Variants in AUTS2 observed in about 807,000 individuals in gnomAD.
The protein encoded by AUTS2 is activator of transcription and developmental regulator AUTS2, also known as autism susceptibility gene 2 protein.
A neutral mutation model predicts 112.4 loss-of-function variants in AUTS2; 17 were observed. The observed-to-expected ratio is 0.15, with a 90% CI of 0.10 to 0.23. AUTS2 has a LOEUF of 0.23. Ranked by LOEUF, AUTS2 falls within the 10% of genes least tolerant of loss-of-function variation. AUTS2 has a pLI of 1.00. For synonymous variants in AUTS2, 751 were observed against 702.7 expected, an observed-to-expected ratio of 1.07 and a Z score of -1.09; for missense variants, 1,510 against 1,701.6, an observed-to-expected ratio of 0.89 and a Z score of 1.98.
chr7:69,709,221 G>GAAGAAATATAAC (rs1798199262), intron 1 of AUTS2, among the ~76,000 whole-genome samples: 1 of 152,220 alleles, frequency 6.6e-6, no homozygotes. Context: ...CTCTTTGGTG[G>GAAGAAATATAAC]CATTAATCTT....
chr7:70,017,176 G>A (rs1800067084), intron 2 of AUTS2, among the ~76,000 whole-genome samples: 1 of 152,186 alleles, frequency 6.6e-6, no homozygotes, highest in Admixed American at 6.5e-5. Context: ...CAAATCAGAG[G>A]AATGAAATAA....
At chr7:69,707,445 G>A (rs1331018854) in intron 1 of AUTS2, among the ~76,000 whole-genome samples, 1 of 152,164 alleles carries the variant, frequency 6.6e-6, no homozygotes. Context: ...TGAAGGGTAT[G>A]CAGGTGTAAG....
At chr7:70,512,457 C>G (rs1440757236) in intron 5 of AUTS2, among the ~76,000 whole-genome samples, 1 of 152,128 alleles carries the variant, frequency 6.6e-6, no homozygotes, top group Non-Finnish European at 1.5e-5. Context: ...AAGGAGGTAA[C>G]GCTTCAAGTG....
intron 2 of AUTS2, among the ~76,000 whole-genome samples, chr7:70,003,080 T>G (rs1276273830): frequency 2.7e-5 from 4 of 148,170 alleles, no homozygotes; most frequent in Non-Finnish European, 5.9e-5. Context: ...ATATTGCATA[T>G]TATACATTTA....
chr7:70,369,385 T>C (rs188614688), intron 4 of AUTS2, among the ~76,000 whole-genome samples: 147 of 152,320 alleles, frequency 9.7e-4, no homozygotes, highest in Non-Finnish European at 1.6e-3. Flanking sequence ...TGAGGGTTGT[T>C]TCATATATGT....
intron 2 of AUTS2, among the ~76,000 whole-genome samples, chr7:70,102,899 G>A (rs1804575194): frequency 6.6e-6 from 1 of 152,044 alleles, no homozygotes; most frequent in Non-Finnish European, 1.5e-5. Context: ...ATTTGAGAGA[G>A]TATTGTAGAA....
At chr7:70,607,173 G>T (rs762140931) in intron 5 of AUTS2, among the ~76,000 whole-genome samples, 2 of 152,174 alleles carry the variant, frequency 1.3e-5, no homozygotes, top group Non-Finnish European at 2.9e-5. Context: ...GGGGGGCGAA[G>T]GTGGGAGTGA....
At chr7:70,729,112 CG>C in intron 6 of AUTS2, 1 of 455,250 alleles carries the variant, frequency 2.2e-6, no homozygotes, top group South Asian at 1.6e-5. Context: ...CAAAATGGGG[CG>C]AAAACGACGG....
intron 5 of AUTS2, among the ~76,000 whole-genome samples, chr7:70,684,467 G>T (rs1451306053): frequency 6.6e-6 from 1 of 152,144 alleles, no homozygotes; most frequent in Non-Finnish European, 1.5e-5. Context: ...CTGGCCAGTG[G>T]AGGGAGAAAC....
chr7:69,867,878 A>C (rs1793306282), intron 1 of AUTS2, among the ~76,000 whole-genome samples: 1 of 152,174 alleles, frequency 6.6e-6, no homozygotes, highest in African/African-American at 2.4e-5. Context: ...CACATAGATA[A>C]ATTTGAATCT....
At chr7:70,143,624 A>G (rs111853689) in intron 4 of AUTS2, among the ~76,000 whole-genome samples, 1,691 of 152,304 alleles carry the variant, frequency 0.011, 38 homozygotes, top group African/African-American at 0.039. Context: ...TTTGGTGTCT[A>G]GTTTGCAGGA....
At chr7:69,747,784 G>GGTGTTTGTGT (rs1554360596) in intron 1 of AUTS2, among the ~76,000 whole-genome samples, 21 of 144,604 alleles carry the variant, frequency 1.5e-4, no homozygotes, top group African/African-American at 4.6e-4. Flanking sequence ...GAAGGAGAGG[G>GGTGTTTGTGT]GTGTGTGTGT....
intron 5 of AUTS2, among the ~76,000 whole-genome samples, chr7:70,695,963 G>A (rs914269215): frequency 1.3e-5 from 2 of 152,174 alleles, no homozygotes; most frequent in Admixed American, 1.3e-4. Flanking sequence ...GTGTTCGAGA[G>A]AAGGAAGAGC....
intron 5 of AUTS2, among the ~76,000 whole-genome samples, chr7:70,489,902 T>G (rs966162847): frequency 6.6e-6 from 1 of 152,118 alleles, no homozygotes; most frequent in Admixed American, 6.5e-5. Flanking sequence ...ACAACATATT[T>G]CTAAAAAATC....
intron 6 of AUTS2, among the ~76,000 whole-genome samples, chr7:70,702,082 A>G (rs1398125525): frequency 6.6e-6 from 1 of 152,278 alleles, no homozygotes; most frequent in African/African-American, 2.4e-5. Flanking sequence ...TGGTCTGTAG[A>G]CAAAAGTGCA....
intron 1 of AUTS2, among the ~76,000 whole-genome samples, chr7:69,801,968 C>G (rs1045054794): frequency 6.6e-6 from 1 of 152,042 alleles, no homozygotes; most frequent in Non-Finnish European, 1.5e-5. Context: ...GAAGGCAACT[C>G]TTGAGTAATT....
intron 4 of AUTS2, among the ~76,000 whole-genome samples, chr7:70,245,786 A>C (rs917070858): frequency 2.6e-5 from 4 of 152,184 alleles, no homozygotes; most frequent in African/African-American, 9.6e-5. Flanking sequence ...GGGTATGCAC[A>C]TAAGGAACAT....
intron 5 of AUTS2, among the ~76,000 whole-genome samples, chr7:70,623,388 T>C (rs1225993082): frequency 6.6e-6 from 1 of 152,210 alleles, no homozygotes; most frequent in Non-Finnish European, 1.5e-5. Context: ...ACTGTCGTTC[T>C]GTTCAATTCC....
chr7:70,527,532 A>G (rs1799890073), intron 5 of AUTS2, among the ~76,000 whole-genome samples: 2 of 152,198 alleles, frequency 1.3e-5, no homozygotes, highest in Admixed American at 1.3e-4. Context: ...CCACCAAGAA[A>G]AGGAGCCGTA....
Sources: gnomAD v4.1 joint callset for allele counts (sites outside exome capture counted in the v4.1 genomes callset) on GRCh38, gnomAD v4.1.1 for gene constraint, MANE v1.5 for transcripts, NCBI Gene and HGNC (gene_info 2026-07-23, HGNC 2026-07-21) for gene names.